Variants in AGMO observed in about 807,000 individuals in gnomAD.
AGMO encodes glyceryl-ether monooxygenase.
AGMO carries 75 observed loss-of-function variants against 60.2 expected under a neutral mutation model. The observed-to-expected ratio is 1.25, with a 90% CI of 1.03 to 1.51. The LOEUF (loss-of-function observed/expected upper bound fraction) is 1.51, where lower values mean the gene tolerates loss of function less well. Ranked by LOEUF, AGMO falls within the 40% of genes most tolerant of loss-of-function variation. The pLI, the probability that AGMO is intolerant of heterozygous loss-of-function variation, is 0.00. For missense variants in AGMO, 763 were observed against 525.5 expected, an observed-to-expected ratio of 1.45 and a Z score of -4.42; for synonymous variants, 261 against 177.1, an observed-to-expected ratio of 1.47 and a Z score of -3.76.
At chr7:15,306,519 A>G (rs1294440168) in intron 12 of AGMO, 2 of 469,888 alleles carry the variant, frequency 4.3e-6, no homozygotes, top group Non-Finnish European at 8.8e-6. Context: ...AAGTTCTCCA[A>G]AGTTCTCCTT....
At chr7:15,456,066 T>C (rs764433182) in intron 3 of AGMO, among the ~76,000 whole-genome samples, 1 of 152,120 alleles carries the variant, frequency 6.6e-6, no homozygotes, top group Non-Finnish European at 1.5e-5. Flanking sequence ...ACTAATTCTC[T>C]AGTTTTCTTA....
chr7:15,365,048 G>A (rs1011544049), intron 12 of AGMO, among the ~76,000 whole-genome samples: 64 of 152,038 alleles, frequency 4.2e-4, no homozygotes, highest in African/African-American at 1.5e-3. Context: ...TTTTTCAGCT[G>A]TAGAAAAATC....
In AGMO at chr7:15,465,186, C is replaced by G. The variant is rs76403023; in HGVS notation, c.410-34078G>C. On this transcript the variant is annotated intron_variant, in intron 3 of 12. Coordinates refer to ENST00000342526, the MANE Select transcript of AGMO (RefSeq NM_001004320.2). ...CCTACTTTCGACAAGCTAAGGATTACCTATTGCGAGCCGAACTCACCAAAT... is the reference window on the plus strand; with the variant it reads ...CCTACTTTCGACAAGCTAAGGATTAGCTATTGCGAGCCGAACTCACCAAAT... 3.9e-4 allele frequency among the ~76,000 whole-genome samples: 59 copies of G among 152,064 alleles called. No individual in the cohort carries two copies. The East Asian group carries it at 8.2e-3, about 21-fold the overall frequency.
At chr7:15,353,374 T>G (rs1009996272) in intron 12 of AGMO, among the ~76,000 whole-genome samples, 1 of 152,160 alleles carries the variant, frequency 6.6e-6, no homozygotes, top group Non-Finnish European at 1.5e-5. Flanking sequence ...AACAATCTAA[T>G]TAATGGGGAT....
chr7:15,453,286 AAAG>A (rs1781902627), intron 3 of AGMO, among the ~76,000 whole-genome samples: 2 of 152,208 alleles, frequency 1.3e-5, no homozygotes, highest in African/African-American at 4.8e-5. Context: ...AAAGGGGAAA[AAAG>A]AAGCTTTTAT....
intron 12 of AGMO, among the ~76,000 whole-genome samples, chr7:15,245,247 T>C (rs1782707961): frequency 6.6e-6 from 1 of 152,148 alleles, no homozygotes; most frequent in African/African-American, 2.4e-5. Flanking sequence ...AATCTCCTAC[T>C]CTACCAGATT....
At chr7:15,264,881 C>A (rs530259940) in intron 12 of AGMO, among the ~76,000 whole-genome samples, 1 of 151,910 alleles carries the variant, frequency 6.6e-6, no homozygotes. Flanking sequence ...GGACATTTCT[C>A]GAAGAACTCA....
chr7:15,389,174 T>C (rs1182200190), intron 8 of AGMO, among the ~76,000 whole-genome samples: 2 of 152,192 alleles, frequency 1.3e-5, no homozygotes, highest in Non-Finnish European at 2.9e-5. Context: ...ATACAGAGGC[T>C]TGTTTAGAAA....
intron 12 of AGMO, among the ~76,000 whole-genome samples, chr7:15,286,044 C>T (rs955127871): frequency 1.3e-5 from 2 of 152,064 alleles, no homozygotes; most frequent in African/African-American, 4.8e-5. Flanking sequence ...AAAACTGGAT[C>T]CCTATCTCTC....
the AGMO span, among the ~76,000 whole-genome samples, chr7:15,148,021 T>A: frequency 6.6e-6 from 1 of 152,188 alleles, no homozygotes. Context: ...AGCAAAACAG[T>A]CTTGCTCAGT....
chr7:15,412,023 A>C (rs1452491419), intron 5 of AGMO, among the ~76,000 whole-genome samples: 1 of 152,162 alleles, frequency 6.6e-6, no homozygotes, highest in Non-Finnish European at 1.5e-5. Context: ...GTCTCTGCTC[A>C]TCCTGCTACC....
At chr7:15,374,209 T>C (rs549765591) in intron 10 of AGMO, among the ~76,000 whole-genome samples, 1 of 151,670 alleles carries the variant, frequency 6.6e-6, no homozygotes, top group Admixed American at 6.6e-5. Flanking sequence ...TTTAAAATAA[T>C]TGTCAATATT....
intron 8 of AGMO, among the ~76,000 whole-genome samples, chr7:15,388,346 A>T (rs1226750093): frequency 6.6e-6 from 1 of 152,090 alleles, no homozygotes; most frequent in Non-Finnish European, 1.5e-5. Flanking sequence ...AAAAAATTGC[A>T]ACCTCAGGCA....
chr7:15,223,144 A>C (rs1436198545), intron 12 of AGMO, among the ~76,000 whole-genome samples: 1 of 151,980 alleles, frequency 6.6e-6, no homozygotes, highest in African/African-American at 2.4e-5. Context: ...ATTTCACAAT[A>C]ATTTTAAGTG....
At chr7:15,153,365 C>T in the AGMO span, among the ~76,000 whole-genome samples, 1 of 152,074 alleles carries the variant, frequency 6.6e-6, no homozygotes, top group East Asian at 1.9e-4. Flanking sequence ...ATATATTTAT[C>T]TTTATTTTTG....
chr7:15,147,845 A>T, the AGMO span, among the ~76,000 whole-genome samples: 1 of 152,220 alleles, frequency 6.6e-6, no homozygotes, highest in Admixed American at 6.5e-5. Flanking sequence ...GGTAAAAAAA[A>T]TACTGAAACA....
At chr7:15,126,722 A>T in the AGMO span, among the ~76,000 whole-genome samples, 2 of 152,150 alleles carry the variant, frequency 1.3e-5, no homozygotes. Context: ...CGTTTCTCTG[A>T]CATATCTTGA....
intron 3 of AGMO, among the ~76,000 whole-genome samples, chr7:15,492,320 G>T (rs551244915): frequency 1.3e-4 from 18 of 139,108 alleles, no homozygotes; most frequent in Admixed American, 3.7e-4. Context: ...AAATGGAACC[G>T]ATTGCAAACC....
In AGMO at chr7:15,322,445, AATATATATATAAATATAT is replaced by A. The variant is rs1781137567; in HGVS notation, c.1263+43051_1263+43068del. On this transcript the variant is annotated intron_variant, in intron 12 of 12. Coordinates refer to ENST00000342526, the MANE Select transcript of AGMO (RefSeq NM_001004320.2). Reference sequence around the variant, plus strand: ...ATATACCTGTGTGTGTATATATATAAATATATATATAAATATATATAAATATATAAATATATATATAAA... The same window carrying A: ...ATATACCTGTGTGTGTATATATATAAATAAATATATAAATATATATATAAA... Among the ~76,000 whole-genome samples, 2 of 109,284 alleles carry A rather than the reference AATATATATATAAATATAT, an allele frequency of 1.8e-5. 1 individual carries two copies. The highest frequency in any genetic ancestry group is 3.7e-5 in the Non-Finnish European group (2 of 54,688). The allele number at this position is 109,284 out of a possible 152,430, so 71.7% of individuals were successfully genotyped here. A position where few individuals can be genotyped will look rare whatever the true frequency, so the allele number is the denominator to read the frequency against.
Sources: gnomAD v4.1 joint callset for allele counts (sites outside exome capture counted in the v4.1 genomes callset) on GRCh38, gnomAD v4.1.1 for gene constraint, MANE v1.5 for transcripts, NCBI Gene and HGNC (gene_info 2026-07-23, HGNC 2026-07-21) for gene names.